Variants in PDCD10 observed in about 807,000 individuals in gnomAD.
PDCD10 encodes programmed cell death 10.
In PDCD10, 4 loss-of-function variants were observed where a neutral mutation model predicts 29.2. That is an observed-to-expected ratio of 0.14 (90% CI 0.07 to 0.31). The LOEUF is 0.31. PDCD10 is among the 10% of genes least tolerant of loss of function. The pLI is 1.00. For missense variants in PDCD10, 183 were observed against 257.9 expected (o/e 0.71, Z 1.99); for synonymous variants, 70 against 82.2 (o/e 0.85, Z 0.80).
rs75599405 is a variant in PDCD10, at chr3:167,712,950, A to G, written c.96+7112T>C. 5.3e-3 allele frequency among the ~76,000 whole-genome samples: 806 copies of G among 152,148 alleles called. 5 individuals carry two copies. Among genetic ancestry groups the G allele is most frequent in the Non-Finnish European group, 7.1e-3 (484 of 67,926 alleles). ...ACCCAGTCCTGGTGTACCCAGAAAT[A>G]TAAGGCAAATATTATTAGAACTAAA... On this transcript the variant is annotated intron_variant, in intron 3 of 8. Transcript: ENST00000392750.
chr3:167,692,208 C>A (rs531467090), intron 6 of PDCD10, among the ~76,000 whole-genome samples: 1 of 152,216 alleles, frequency 6.6e-6, no homozygotes, highest in Non-Finnish European at 1.5e-5. Flanking sequence ...TATCCTTTTA[C>A]AGGCCAAACA....
intron 3 of PDCD10, among the ~76,000 whole-genome samples, chr3:167,718,209 T>G (rs1253027163): frequency 6.6e-6 from 1 of 152,102 alleles, no homozygotes; most frequent in Non-Finnish European, 1.5e-5. Flanking sequence ...ATTTAAAAAT[T>G]TACTTGCTTA....
chr3:167,721,723 T>C (rs1316237860), intron 2 of PDCD10, among the ~76,000 whole-genome samples: 1 of 152,158 alleles, frequency 6.6e-6, no homozygotes, highest in Non-Finnish European at 1.5e-5. Flanking sequence ...GTTTTCCTGT[T>C]TCTCACCTGA....
intron 2 of PDCD10, among the ~76,000 whole-genome samples, chr3:167,725,164 A>G (rs1453551999): frequency 2.0e-5 from 3 of 150,664 alleles, no homozygotes; most frequent in African/African-American, 7.3e-5. Context: ...GGCTGAGGCA[A>G]GGGAATTGCT....
chr3:167,687,403 G>C lies in PDCD10; in HGVS notation c.475-87C>G, dbSNP rs1488406462. ...AAAGGCAAGGACAAGAGATTACACAGGATATGGGATGCACTTTATATGAAT... is the reference window on the plus strand; with the variant it reads ...AAAGGCAAGGACAAGAGATTACACACGATATGGGATGCACTTTATATGAAT... On this transcript the variant is annotated intron_variant, in intron 7 of 8. Coordinates refer to ENST00000392750, the MANE Select transcript of PDCD10 (RefSeq NM_007217.4). The C allele has an allele frequency of 8.2e-5, 67 of 820,218 alleles. No individual in the cohort carries two copies. In the Admixed American group the frequency reaches 1.3e-3, roughly 16 times the overall value. The allele number at this position is 820,218 out of a possible 1,614,324, so 50.8% of individuals were successfully genotyped here.
At chr3:167,703,370 C>T (rs1721636132) in intron 4 of PDCD10, among the ~76,000 whole-genome samples, 1 of 152,026 alleles carries the variant, frequency 6.6e-6, no homozygotes, top group Non-Finnish European at 1.5e-5. Context: ...TATGTACTCA[C>T]CTTGAATCAC....
At chr3:167,702,053 T>C (rs1224456991) in intron 4 of PDCD10, among the ~76,000 whole-genome samples, 1 of 152,240 alleles carries the variant, frequency 6.6e-6, no homozygotes, top group African/African-American at 2.4e-5. Flanking sequence ...GGCTGCTTTA[T>C]GACATGGACC....
chr3:167,710,635 T>C (rs912410504), intron 3 of PDCD10, among the ~76,000 whole-genome samples: 1 of 152,202 alleles, frequency 6.6e-6, no homozygotes, highest in African/African-American at 2.4e-5. Context: ...ATTATCATAC[T>C]GAAGGGAAGG....
intron 8 of PDCD10, among the ~76,000 whole-genome samples, chr3:167,685,798 T>A (rs1430686002): frequency 6.6e-6 from 1 of 152,220 alleles, no homozygotes; most frequent in Non-Finnish European, 1.5e-5. Context: ...AAATAAAAGT[T>A]TATTTTCAAA....
chr3:167,726,715 G>A (rs1001105777), intron 2 of PDCD10, among the ~76,000 whole-genome samples: 1 of 152,026 alleles, frequency 6.6e-6, no homozygotes, highest in Non-Finnish European at 1.5e-5. Context: ...AAAATTCTAG[G>A]AACCTGACAT....
chr3:167,691,547 A>G (rs1302853479), intron 6 of PDCD10, among the ~76,000 whole-genome samples: 1 of 152,204 alleles, frequency 6.6e-6, no homozygotes, highest in Non-Finnish European at 1.5e-5. Flanking sequence ...GCAGCTCCCT[A>G]GAGTCACAGA....
At chr3:167,696,630 A>G (rs569073179) in intron 5 of PDCD10, among the ~76,000 whole-genome samples, 5 of 152,284 alleles carry the variant, frequency 3.3e-5, no homozygotes, top group Admixed American at 2.0e-4. Flanking sequence ...ATGCTGTACT[A>G]AAGTTAAAAA....
chr3:167,692,416 G>A (rs540052019), intron 6 of PDCD10, among the ~76,000 whole-genome samples: 2 of 152,276 alleles, frequency 1.3e-5, no homozygotes, highest in South Asian at 4.1e-4. Flanking sequence ...ATCACATGAG[G>A]TCAGACGTGG....
chr3:167,732,079 A>G (rs1577383829), intron 2 of PDCD10, among the ~76,000 whole-genome samples: 1 of 152,182 alleles, frequency 6.6e-6, no homozygotes, highest in Non-Finnish European at 1.5e-5. Flanking sequence ...CAGAGTAAGA[A>G]GGTAATAGTA....
In PDCD10 at chr3:167,690,500, C is replaced by T. The variant is rs77077731; in HGVS notation, c.396-2807G>A. ...TTACAAACAGTAAATAAATGCCTGG[C>T]TTTTTTATTTTGGTCTGTTAAATCA... On this transcript the variant is annotated intron_variant, in intron 6 of 8. Transcript: ENST00000392750. 8.0e-3 allele frequency among the ~76,000 whole-genome samples: 1,212 copies of T among 152,190 alleles called. 89 individuals carry two copies. In the East Asian group the frequency reaches 0.17, roughly 21 times the overall value.
At chr3:167,691,074 T>C (rs1720182134) in intron 6 of PDCD10, among the ~76,000 whole-genome samples, 1 of 152,218 alleles carries the variant, frequency 6.6e-6, no homozygotes. Flanking sequence ...AGGGGATAAC[T>C]ACCTTAGATA....
chr3:167,715,230 G>A (rs1029853784), intron 3 of PDCD10, among the ~76,000 whole-genome samples: 2 of 151,880 alleles, frequency 1.3e-5, no homozygotes, highest in East Asian at 3.9e-4. Context: ...GAATGAAAGT[G>A]GATCCCTATC....
At chr3:167,716,497 C>G (rs1040504909) in intron 3 of PDCD10, among the ~76,000 whole-genome samples, 1 of 151,770 alleles carries the variant, frequency 6.6e-6, no homozygotes, top group African/African-American at 2.4e-5. Flanking sequence ...CATTGCATGC[C>G]TGTTTCAAAG....
chr3:167,686,563 C>T (rs571830393), intron 8 of PDCD10, among the ~76,000 whole-genome samples: 1 of 152,306 alleles, frequency 6.6e-6, no homozygotes, highest in South Asian at 2.1e-4. Flanking sequence ...ACAACTATTG[C>T]TTTAACTTTA....
Sources: gnomAD v4.1 joint callset for allele counts (sites outside exome capture counted in the v4.1 genomes callset) on GRCh38, gnomAD v4.1.1 for gene constraint, MANE v1.5 for transcripts, NCBI Gene and HGNC (gene_info 2026-07-23, HGNC 2026-07-21) for gene names.